The following PRTG variants were observed in gnomAD, a reference collection of about 807,000 sequenced individuals.
PRTG encodes the protein protogenin.
In PRTG, 67 loss-of-function variants were observed where a neutral mutation model predicts 122.5. That is an observed-to-expected ratio of 0.55 (90% CI 0.45 to 0.67). PRTG has a LOEUF of 0.67. Among genes scored for constraint, PRTG ranks in the 30% least tolerant of loss-of-function variants. The probability of loss-of-function intolerance (pLI) is 0.00; values close to 1 mark genes in which losing one functional copy is unlikely to be tolerated. For missense variants in PRTG, 1,435 were observed against 1,415.4 expected, an observed-to-expected ratio of 1.01 and a Z score of -0.22; for synonymous variants, 554 against 501.1, an observed-to-expected ratio of 1.11 and a Z score of -1.41.
At chr15:55,621,484 C>T (rs1039405764) in intron 18 of PRTG, among the ~76,000 whole-genome samples, 5 of 152,034 alleles carry the variant, frequency 3.3e-5, no homozygotes, top group African/African-American at 1.2e-4. Context: ...AGTGAAATCC[C>T]GTCTCTACTA....
chr15:55,670,247 G>GT (rs5812808), intron 11 of PRTG, among the ~76,000 whole-genome samples: 144,804 of 152,114 alleles, frequency 0.95, 69,317 homozygotes, highest in Non-Finnish European at 1. Flanking sequence ...CACAACCCAA[G>GT]TTTTTTTCTA....
In PRTG at chr15:55,621,432, C is replaced by T. The variant is rs933511619; in HGVS notation, c.3094-665G>A. Among the ~76,000 whole-genome samples, 8 of 151,280 alleles carry T rather than the reference C, an allele frequency of 5.3e-5. No individual in the cohort carries two copies. In the South Asian group the frequency reaches 8.4e-4, roughly 16 times the overall value. ...CAGTACTTTGAGAGGCTGAGGCGGG[C>T]GGATCATGAGGTCAGGAGATCTAGA... is the stretch of plus-strand genomic sequence containing the variant. On this transcript the variant is annotated intron_variant, in intron 18 of 19. Transcript: ENST00000389286.
In PRTG at chr15:55,724,983, G is replaced by C. The variant is rs181605330; in HGVS notation, c.397+15399C>G. Among the ~76,000 whole-genome samples the C allele has an allele frequency of 3.3e-4, 51 of 152,256 alleles. 1 individual carries two copies. The highest frequency in any genetic ancestry group is 1.2e-3 in the African/African-American group (50 of 41,540). On this transcript the variant is annotated intron_variant, in intron 2 of 19. Transcript: ENST00000389286. Reference sequence around the variant, plus strand: ...GCTCAAAGCCATAGGAAGAAATAAAGACCACTGGTAAATGTCACTATGTAG... The same window carrying C: ...GCTCAAAGCCATAGGAAGAAATAAACACCACTGGTAAATGTCACTATGTAG...
chr15:55,735,805 A>T (rs2031392590), intron 2 of PRTG, among the ~76,000 whole-genome samples: 1 of 151,888 alleles, frequency 6.6e-6, no homozygotes, highest in African/African-American at 2.4e-5. Flanking sequence ...AATGATCCTC[A>T]CTAATCTAGG....
chr15:55,666,977 T>C (rs992362508), intron 11 of PRTG, among the ~76,000 whole-genome samples: 2 of 152,202 alleles, frequency 1.3e-5, no homozygotes, highest in African/African-American at 4.8e-5. Flanking sequence ...CTGATGTTTT[T>C]CTTTTACCGT....
rs149682916 is a variant in PRTG at position 55,699,058 on chromosome 15, A to G, written c.398-15127T>C. Among the ~76,000 whole-genome samples, 748 of 152,334 alleles carry G rather than the reference A, an allele frequency of 4.9e-3. 1 individual carries two copies. Among genetic ancestry groups the G allele is most frequent in the African/African-American group, 0.017 (710 of 41,568 alleles). ...AAGAGCCTTCCCAGAATCACAGTTCAGTGTACCCCAATCCACCTTCTAACT... is the reference window on the plus strand; with the variant it reads ...AAGAGCCTTCCCAGAATCACAGTTCGGTGTACCCCAATCCACCTTCTAACT... On this transcript the variant is annotated intron_variant, in intron 2 of 19. Transcript: ENST00000389286.
intron 15 of PRTG, among the ~76,000 whole-genome samples, chr15:55,636,298 A>C (rs942803778): frequency 6.6e-6 from 1 of 151,768 alleles, no homozygotes; most frequent in African/African-American, 2.4e-5. Flanking sequence ...CATACGGGTC[A>C]ATTTTTTTTT....
intron 15 of PRTG, among the ~76,000 whole-genome samples, chr15:55,634,381 T>C (rs1045527955): frequency 7.9e-5 from 12 of 152,146 alleles, no homozygotes; most frequent in African/African-American, 2.2e-4. Context: ...TACTGCTTCT[T>C]TTTAGGCAGG....
chr15:55,696,378 CA>C (rs1444360341), intron 2 of PRTG, among the ~76,000 whole-genome samples: 1 of 152,168 alleles, frequency 6.6e-6, no homozygotes, highest in Non-Finnish European at 1.5e-5. Flanking sequence ...ACTGGTCTTT[CA>C]AATCAACCAT....
intron 11 of PRTG, among the ~76,000 whole-genome samples, chr15:55,641,806 A>G (rs2059291998): frequency 6.6e-6 from 1 of 152,210 alleles, no homozygotes; most frequent in African/African-American, 2.4e-5. Flanking sequence ...AGCTCCCTCT[A>G]CTGGTGTTTA....
chr15:55,643,683 C>T (rs139133399), intron 11 of PRTG, among the ~76,000 whole-genome samples: 1 of 152,020 alleles, frequency 6.6e-6, no homozygotes, highest in Non-Finnish European at 1.5e-5. Flanking sequence ...CTTGGCCTCC[C>T]GAAGTGCTGG....
At chr15:55,741,191 G>C (rs1266835320) in intron 1 of PRTG, among the ~76,000 whole-genome samples, 1 of 152,184 alleles carries the variant, frequency 6.6e-6, no homozygotes, top group African/African-American at 2.4e-5. Context: ...CAAATTACAA[G>C]TTTGCATTTT....
At chr15:55,629,115 GAC>G (rs1237787842) in intron 15 of PRTG, 111 bp from the exon 16 acceptor site, 12 of 597,240 alleles carry the variant, frequency 2.0e-5, no homozygotes, top group Middle Eastern at 4.2e-4. Flanking sequence ...TTATAAAGAT[GAC>G]ACATATTGTA....
intron 2 of PRTG, among the ~76,000 whole-genome samples, chr15:55,716,328 T>C (rs2030599710): frequency 1.3e-5 from 2 of 152,214 alleles, no homozygotes; most frequent in Non-Finnish European, 2.9e-5. Context: ...TCACTTTTTA[T>C]TTTAACCAAG....
chr15:55,726,195 C>T (rs1361182185), intron 2 of PRTG, among the ~76,000 whole-genome samples: 2 of 152,088 alleles, frequency 1.3e-5, no homozygotes, highest in African/African-American at 4.8e-5. Flanking sequence ...ACCGCCCAGC[C>T]TCCCGAAGTG....
intron 3 of PRTG, 37 bp downstream of exon 3, chr15:55,683,750 T>C: frequency 6.4e-7 from 1 of 1,570,026 alleles, no homozygotes; most frequent in Non-Finnish European, 8.7e-7. Flanking sequence ...TCTTCATTAC[T>C]CCCATATCAT....
chr15:55,717,154 T>C (rs2030630874), intron 2 of PRTG, among the ~76,000 whole-genome samples: 1 of 152,232 alleles, frequency 6.6e-6, no homozygotes, highest in East Asian at 1.9e-4. Context: ...GAATAAAACA[T>C]GTACATATTT....
chr15:55,665,724 T>C (rs1468920779), intron 11 of PRTG, among the ~76,000 whole-genome samples: 1 of 151,976 alleles, frequency 6.6e-6, no homozygotes, highest in Non-Finnish European at 1.5e-5. Context: ...TTTTGTATTT[T>C]TAGTAGAGAC....
At chr15:55,682,782 T>C (rs1382689384) in intron 3 of PRTG, among the ~76,000 whole-genome samples, 1 of 151,984 alleles carries the variant, frequency 6.6e-6, no homozygotes, top group African/African-American at 2.4e-5. Context: ...AGGCTGGTCT[T>C]GAATTTCTGA....
Sources: allele counts gnomAD v4.1 joint callset (sites outside exome capture counted in the v4.1 genomes callset), GRCh38; gene constraint gnomAD v4.1.1; transcripts MANE v1.5; gene names NCBI Gene and HGNC (gene_info 2026-07-23, HGNC 2026-07-21).